The following ASS1 variants were observed in gnomAD, a reference collection of about 807,000 sequenced individuals.
ASS1 encodes argininosuccinate synthase 1.
In ASS1, 58 loss-of-function variants were observed where a neutral mutation model predicts 60.5. The ratio of observed to expected loss-of-function variants is 0.96; its 90% CI spans 0.78 to 1.19. The LOEUF (loss-of-function observed/expected upper bound fraction) is 1.19, where lower values mean the gene tolerates loss of function less well. Among genes scored for constraint, ASS1 ranks in the 50% most tolerant of loss-of-function variants. The pLI is 0.00. For synonymous variants in ASS1, 200 were observed against 206.9 expected, an observed-to-expected ratio of 0.97 and a Z score of 0.29; for missense variants, 454 against 547.3, an observed-to-expected ratio of 0.83 and a Z score of 1.70.
chr9:130,458,321 A>G lies in ASS1; in HGVS notation c.175-80A>G, dbSNP rs909660852. On this transcript the variant is annotated intron_variant, in intron 3 of 14. Coordinates refer to ENST00000352480, the MANE Select transcript of ASS1 (RefSeq NM_054012.4). ...GGGTGGCCCCGTATAGGTCTCAGCT[A>G]GCTGAGGCCCCTGGGGCTCTGTATG... 3.0e-5 allele frequency: 47 copies of G among 1,569,704 alleles called. No homozygotes were observed. The Admixed American group carries it at 6.8e-4, about 23-fold the overall frequency.
chr9:130,479,712 C>T lies in ASS1; in HGVS notation c.689-4C>T, dbSNP rs756916286. On this transcript the variant is annotated splice_polypyrimidine_tract_variant and splice_region_variant and intron_variant, in intron 9 of 14. Coordinates refer to ENST00000352480, the MANE Select transcript of ASS1 (RefSeq NM_054012.4). Reference sequence around the variant, plus strand: ...AGGCCCACTGCCCTCTCTTCCCACCCTAGGGGTCCCTGTGAAGGTGACCAA... The same window carrying T: ...AGGCCCACTGCCCTCTCTTCCCACCTTAGGGGTCCCTGTGAAGGTGACCAA... The T allele has an allele frequency of 1.9e-6, 3 of 1,613,354 alleles. No homozygotes were observed. The highest frequency in any genetic ancestry group is 2.7e-5 in the African/African-American group (2 of 75,022).
rs1018493867 is a variant in ASS1 at position 130,478,880 on chromosome 9, A to T, written c.689-836A>T. Among the ~76,000 whole-genome samples, 5 of 152,320 alleles carry T rather than the reference A, an allele frequency of 3.3e-5. No homozygotes were observed. The East Asian group carries it at 9.7e-4, about 29-fold the overall frequency. On this transcript the variant is annotated intron_variant, in intron 9 of 14. Coordinates refer to ENST00000352480, the MANE Select transcript of ASS1 (RefSeq NM_054012.4). The surrounding 1 kb of genome is among the most constrained non-coding windows in gnomAD (Gnocchi z 4.7). ...AAGCCCCTCCAAGCGGCGCCTGGCTAATAAAGCCTCGAAAGCCGCTATTGA... is the reference window on the plus strand; with the variant it reads ...AAGCCCCTCCAAGCGGCGCCTGGCTTATAAAGCCTCGAAAGCCGCTATTGA...
chr9:130,480,493 C>A, intron 11 of ASS1, 44 bp downstream of exon 11: 1 of 1,599,960 alleles, frequency 6.3e-7, no homozygotes, highest in Non-Finnish European at 8.5e-7. Context: ...CGGGACCCAG[C>A]AAACCCAGAG....
Position 130,478,051 on chromosome 9 carries a change from C to A in ASS1, c.688+1090C>A, listed in dbSNP as rs1220171266. Among the ~76,000 whole-genome samples the A allele has an allele frequency of 2.0e-5, 3 of 152,186 alleles. No homozygotes were observed. Among genetic ancestry groups the A allele is most frequent in the Non-Finnish European group, 2.9e-5 (2 of 68,032 alleles). ...TTGGGTGCACTCATCAAAAAACGGA[C>A]CACAGGCATGATGCTCACAGGTGCC... On this transcript the variant is annotated intron_variant, in intron 9 of 14. Transcript: ENST00000352480. This position sits in a 1 kb window ranked among gnomAD's most constrained non-coding sequence, Gnocchi z 4.7.
intron 4 of ASS1, among the ~76,000 whole-genome samples, chr9:130,462,459 T>A (rs143673670): frequency 5.2e-4 from 79 of 152,290 alleles, no homozygotes; most frequent in African/African-American, 1.8e-3. Flanking sequence ...GGCTCTTGCC[T>A]GAGACGAGGG....
chr9:130,466,828 A>G, intron 6 of ASS1, 29 bp downstream of exon 6: 1 of 1,607,594 alleles, frequency 6.2e-7, no homozygotes, highest in Non-Finnish European at 8.5e-7. Context: ...ACCACCCCCA[A>G]CCTTTCCCTA....
intron 3 of ASS1, among the ~76,000 whole-genome samples, chr9:130,456,398 G>A (rs759032915): frequency 2.0e-5 from 3 of 151,250 alleles, no homozygotes; most frequent in Non-Finnish European, 3.0e-5. Context: ...CCCAGGAGGC[G>A]GAGGTTGCAG....
intron 1 of ASS1, 173 bp from the exon 2 acceptor site, chr9:130,452,051 T>C (rs1253680009): frequency 1.4e-6 from 1 of 697,778 alleles, no homozygotes; most frequent in Non-Finnish European, 2.6e-6. Context: ...GAGGTCAGGG[T>C]TCCCGGGGGT....
chr9:130,480,551 T>C, intron 11 of ASS1, 102 bp downstream of exon 11: 1 of 1,243,136 alleles, frequency 8.0e-7, no homozygotes, highest in South Asian at 1.3e-5. Context: ...CCATGCTCCG[T>C]GGGCGACCTT....
At chr9:130,468,787 G>C (rs1845803365) in intron 6 of ASS1, among the ~76,000 whole-genome samples, 1 of 152,078 alleles carries the variant, frequency 6.6e-6, no homozygotes, top group African/African-American at 2.4e-5. Context: ...ATACTGCCCA[G>C]CCTGGCTATA....
At chr9:130,446,608 C>G (rs1845202641) in intron 1 of ASS1, among the ~76,000 whole-genome samples, 1 of 152,236 alleles carries the variant, frequency 6.6e-6, no homozygotes, top group South Asian at 2.1e-4. Flanking sequence ...GCCCCACTCT[C>G]AGCACAGTCT....
chr9:130,473,797 T>C (rs1445563507), intron 8 of ASS1, among the ~76,000 whole-genome samples: 1 of 152,174 alleles, frequency 6.6e-6, no homozygotes, highest in Non-Finnish European at 1.5e-5. Flanking sequence ...AGGCAGCTAA[T>C]GCGAAGAAAG....
At chr9:130,485,919 C>T (rs1231506449) in intron 11 of ASS1, among the ~76,000 whole-genome samples, 1 of 152,204 alleles carries the variant, frequency 6.6e-6, no homozygotes, top group African/African-American at 2.4e-5. Context: ...TTTCTGGACA[C>T]ACTGCTGAAC....
chr9:130,474,643 G>A (rs910447304), intron 8 of ASS1, among the ~76,000 whole-genome samples: 2 of 152,214 alleles, frequency 1.3e-5, no homozygotes, highest in Non-Finnish European at 2.9e-5. Context: ...CTTGGGACCC[G>A]TCTGTGCCCA....
chr9:130,495,486 CACACACACACACACAT>C lies in ASS1; in HGVS notation c.1127+465_1127+480del, dbSNP rs1197175204. ...ACACATACATATACACACACACACA[CACACACACACACACAT>C]ATATATATAAAATAATTGGGGTTGT... On this transcript the variant is annotated intron_variant, in intron 13 of 14. Transcript: ENST00000352480. 5.3e-5 allele frequency among the ~76,000 whole-genome samples: 8 copies of C among 150,906 alleles called. No homozygotes were observed. In the East Asian group the frequency reaches 1.6e-3, roughly 29 times the overall value.
At chr9:130,475,019 G>T (rs1479280938) in intron 8 of ASS1, among the ~76,000 whole-genome samples, 1 of 152,220 alleles carries the variant, frequency 6.6e-6, no homozygotes, top group Non-Finnish European at 1.5e-5. Flanking sequence ...TGGAGGTGGG[G>T]GTGGAGGATC....
At position 130,473,050 on chromosome 9, in the gene ASS1, T is replaced by C. The variant is rs993811352; in HGVS notation, c.597+1535T>C. Reference sequence around the variant, plus strand: ...TTACTGAGCTACGGTGGGCAGGTCCTGCGCCCTCCCAGGCCTCCTGTCTCA... The same window carrying C: ...TTACTGAGCTACGGTGGGCAGGTCCCGCGCCCTCCCAGGCCTCCTGTCTCA... On this transcript the variant is annotated intron_variant, in intron 8 of 14. Transcript: ENST00000352480. Among the ~76,000 whole-genome samples the C allele has an allele frequency of 1.4e-4, 22 of 152,292 alleles. No homozygotes were observed. In the East Asian group the frequency reaches 3.7e-3, roughly 25 times the overall value.
chr9:130,499,463 C>A (rs749971124), intron 13 of ASS1, 42 bp from the exon 14 acceptor site: 4 of 1,600,644 alleles, frequency 2.5e-6, no homozygotes, highest in Non-Finnish European at 3.4e-6. Context: ...CAAGCAGAGG[C>A]CAGGGCCAGG....
chr9:130,458,468 C>T lies in ASS1; in HGVS notation c.242C>T (p.Ala81Val), dbSNP rs764329260. 1 of 1,612,366 alleles carries T rather than the reference C, an allele frequency of 6.2e-7. No individual in the cohort carries two copies. Among genetic ancestry groups the T allele is most frequent in the Non-Finnish European group, 8.5e-7 (1 of 1,179,874 alleles). Residue 81 changes from alanine (A) to valine (V), a missense_variant, in exon 4 of 15, where the codon GCA (alanine) becomes GTA (valine). Ala to Val is a moderately conservative substitution (Grantham distance 64). Coordinates refer to ENST00000352480, the MANE Select transcript of ASS1 (RefSeq NM_054012.4). Reference protein sequence around the residue: ...EFIWPAIQSSALYEDRYLLGT... With the variant: ...EFIWPAIQSSVLYEDRYLLGT... Reference sequence around the variant, plus strand: ...ATCTGGCCGGCCATCCAGTCCAGCGCACTGTATGAGGACCGCTACCTCCTG... The same window carrying T: ...ATCTGGCCGGCCATCCAGTCCAGCGTACTGTATGAGGACCGCTACCTCCTG...
Sources: allele counts gnomAD v4.1 joint callset (sites outside exome capture counted in the v4.1 genomes callset), GRCh38; gene constraint gnomAD v4.1.1; non-coding constraint Gnocchi (gnomAD v3.1); transcripts MANE v1.5; gene names NCBI Gene and HGNC (gene_info 2026-07-23, HGNC 2026-07-21).